The following PAPPA2 variants were observed in gnomAD, a reference collection of about 807,000 sequenced individuals.
PAPPA2 encodes the protein pappalysin 2.
PAPPA2 carries 86 observed loss-of-function variants against 176.4 expected under a neutral mutation model. The observed-to-expected ratio is 0.49, with a 90% CI of 0.41 to 0.58. The LOEUF (loss-of-function observed/expected upper bound fraction) is 0.58, where lower values mean the gene tolerates loss of function less well. Among genes scored for constraint, PAPPA2 ranks in the 20% least tolerant of loss-of-function variants. The pLI, the probability that PAPPA2 is intolerant of heterozygous loss-of-function variation, is 0.00. For missense variants in PAPPA2, 2,073 were observed against 2,256.9 expected (o/e 0.92, Z 1.65); for synonymous variants, 809 against 852.2 (o/e 0.95, Z 0.88).
intron 21 of PAPPA2, among the ~76,000 whole-genome samples, chr1:176,817,851 G>A (rs1464798415): frequency 2.0e-5 from 3 of 152,146 alleles, no homozygotes; most frequent in Non-Finnish European, 2.9e-5. Context: ...CAGAAACAGA[G>A]TCTCAGCTGG....
chr1:176,614,836 A>T (rs55936210), intron 3 of PAPPA2, among the ~76,000 whole-genome samples: 2 of 152,310 alleles, frequency 1.3e-5, no homozygotes, highest in Admixed American at 1.3e-4. Context: ...TTTATCAATT[A>T]CATAGTAAAA....
intron 12 of PAPPA2, among the ~76,000 whole-genome samples, chr1:176,716,320 A>G (rs1571219435): frequency 6.9e-6 from 1 of 145,854 alleles, no homozygotes; most frequent in Non-Finnish European, 1.5e-5. Context: ...ATCTTGGCTC[A>G]CTGCAACCTC....
intron 21 of PAPPA2, among the ~76,000 whole-genome samples, chr1:176,816,977 T>G (rs1368314893): frequency 6.6e-6 from 1 of 152,150 alleles, no homozygotes; most frequent in Non-Finnish European, 1.5e-5. Context: ...GTATATTTAT[T>G]GTGAATGAAT....
chr1:176,504,647 T>G (rs960657720), intron 1 of PAPPA2, among the ~76,000 whole-genome samples: 1 of 152,154 alleles, frequency 6.6e-6, no homozygotes, highest in African/African-American at 2.4e-5. Flanking sequence ...TCAGTTGCTG[T>G]TAATATTCAC....
intron 2 of PAPPA2, among the ~76,000 whole-genome samples, chr1:176,568,999 C>A (rs1459629350): frequency 1.3e-5 from 2 of 152,132 alleles, no homozygotes; most frequent in African/African-American, 2.4e-5. Context: ...CCCTACTTAC[C>A]TTTTCAATCT....
intron 2 of PAPPA2, among the ~76,000 whole-genome samples, chr1:176,558,566 G>T (rs2102594273): frequency 6.6e-6 from 1 of 152,246 alleles, no homozygotes; most frequent in Non-Finnish European, 1.5e-5. Flanking sequence ...TTTATTTTTG[G>T]GTGGGAGAGG....
chr1:176,623,618 C>CTTTTTTTCTTTCTTT (rs1558479058), intron 3 of PAPPA2, among the ~76,000 whole-genome samples: 1 of 75,276 alleles, frequency 1.3e-5, no homozygotes, highest in Non-Finnish European at 2.6e-5. Context: ...TTCCTTCCTT[C>CTTTTTTTCTTTCTTT]CTTCCTTTTT....
chr1:176,505,345 G>A (rs1648196349), intron 1 of PAPPA2, among the ~76,000 whole-genome samples: 1 of 152,026 alleles, frequency 6.6e-6, no homozygotes, highest in Non-Finnish European at 1.5e-5. Flanking sequence ...TGGGGTTATT[G>A]GGTCCAGATT....
chr1:176,731,743 G>A (rs969449255), intron 12 of PAPPA2, among the ~76,000 whole-genome samples: 14 of 148,470 alleles, frequency 9.4e-5, no homozygotes, highest in African/African-American at 1.8e-4. Flanking sequence ...ATATACATGC[G>A]TACATATATA....
At chr1:176,654,247 G>A (rs557111415) in intron 3 of PAPPA2, among the ~76,000 whole-genome samples, 1 of 151,474 alleles carries the variant, frequency 6.6e-6, no homozygotes, top group East Asian at 2.0e-4. Flanking sequence ...TGATAGATAG[G>A]GGTCCAATTT....
chr1:176,828,665 G>A (rs1029631115), intron 21 of PAPPA2, among the ~76,000 whole-genome samples: 1 of 151,994 alleles, frequency 6.6e-6, no homozygotes, highest in Admixed American at 6.6e-5. Flanking sequence ...CACATGCATT[G>A]CATAGATATG....
At chr1:176,637,577 A>G (rs1231044068) in intron 3 of PAPPA2, among the ~76,000 whole-genome samples, 1 of 152,176 alleles carries the variant, frequency 6.6e-6, no homozygotes, top group Non-Finnish European at 1.5e-5. Context: ...TCAAGTGGAT[A>G]CTGAACCAGT....
chr1:176,590,264 G>C (rs1260869077), intron 2 of PAPPA2, among the ~76,000 whole-genome samples: 1 of 152,138 alleles, frequency 6.6e-6, no homozygotes. Flanking sequence ...TACAGTAATG[G>C]AATCGACTCA....
In PAPPA2 at chr1:176,634,869, G is replaced by GATAC. The variant is rs796273306; in HGVS notation, c.1992-36098_1992-36097insCATA. 4.0e-4 allele frequency among the ~76,000 whole-genome samples: 40 copies of GATAC among 99,160 alleles called. 1 individual carries two copies. Among genetic ancestry groups the GATAC allele is most frequent in the African/African-American group, 1.0e-3 (24 of 23,702 alleles). 65.1% of individuals were successfully genotyped at this position (99,160 alleles called of 152,430 possible). A position where few individuals can be genotyped will look rare whatever the true frequency, so the allele number is the denominator to read the frequency against. On this transcript the variant is annotated intron_variant, in intron 3 of 22. Transcript: ENST00000367662. Reference sequence around the variant, plus strand: ...AGATACATAGATACATAGATACATAGATAGATACATAGACACATAGATAGA... The same window carrying GATAC: ...AGATACATAGATACATAGATACATAGATACATAGATACATAGACACATAGATAGA...
intron 3 of PAPPA2, among the ~76,000 whole-genome samples, chr1:176,619,052 TAA>T (rs1655437441): frequency 6.6e-6 from 1 of 152,126 alleles, no homozygotes; most frequent in Non-Finnish European, 1.5e-5. Context: ...GTATGGCTAC[TAA>T]TAATTGAGAA....
chr1:176,643,527 T>C (rs2102731350), intron 3 of PAPPA2, among the ~76,000 whole-genome samples: 1 of 151,856 alleles, frequency 6.6e-6, no homozygotes, highest in Admixed American at 6.6e-5. Flanking sequence ...AGTTTGCAGA[T>C]TCCTGGTCTA....
intron 12 of PAPPA2, among the ~76,000 whole-genome samples, chr1:176,727,381 A>G (rs541389390): frequency 6.6e-6 from 1 of 152,298 alleles, no homozygotes; most frequent in Non-Finnish European, 1.5e-5. Flanking sequence ...TGTACCATGT[A>G]TATCCTAAAC....
chr1:176,502,814 A>G (rs1300321945), intron 1 of PAPPA2, among the ~76,000 whole-genome samples: 5 of 152,140 alleles, frequency 3.3e-5, no homozygotes, highest in Non-Finnish European at 7.4e-5. Context: ...CCAACATTTA[A>G]TTTGTGTGAA....
intron 21 of PAPPA2, among the ~76,000 whole-genome samples, chr1:176,833,866 A>G (rs550991124): frequency 6.6e-6 from 1 of 151,250 alleles, no homozygotes; most frequent in South Asian, 2.1e-4. Flanking sequence ...ATATATATAT[A>G]TATGATTTAT....
Sources: allele counts gnomAD v4.1 joint callset (sites outside exome capture counted in the v4.1 genomes callset), GRCh38; gene constraint gnomAD v4.1.1; transcripts MANE v1.5; gene names NCBI Gene and HGNC (gene_info 2026-07-23, HGNC 2026-07-21).